The following PPFIA2 variants were observed in gnomAD, a reference collection of about 807,000 sequenced individuals.
PPFIA2 encodes the protein PPFI scaffold protein A2.
PPFIA2 carries 46 observed loss-of-function variants against 175.5 expected under a neutral mutation model. The observed-to-expected ratio is 0.26, with a 90% confidence interval of 0.21 to 0.34. The LOEUF (loss-of-function observed/expected upper bound fraction) is 0.34, where lower values mean the gene tolerates loss of function less well. Among genes scored for constraint, PPFIA2 ranks in the 10% least tolerant of loss-of-function variants. The pLI is 1.00. For missense variants in PPFIA2, 1,179 were observed against 1,506.1 expected, an observed-to-expected ratio of 0.78 and a Z score of 3.60; for synonymous variants, 568 against 511.4, an observed-to-expected ratio of 1.11 and a Z score of -1.49.
At chr12:81,664,329 A>T (rs1443124550) in intron 4 of PPFIA2, among the ~76,000 whole-genome samples, 1 of 152,158 alleles carries the variant, frequency 6.6e-6, no homozygotes, top group African/African-American at 2.4e-5. Flanking sequence ...CAAAGAACTC[A>T]AACAAATTTA....
intron 8 of PPFIA2, among the ~76,000 whole-genome samples, chr12:81,396,324 A>T (rs903233972): frequency 2.0e-5 from 3 of 152,234 alleles, no homozygotes; most frequent in Admixed American, 2.0e-4. Flanking sequence ...TACATTACAG[A>T]CATTATAAAT....
intron 8 of PPFIA2, among the ~76,000 whole-genome samples, chr12:81,385,572 TG>T (rs771991387): frequency 3.5e-4 from 53 of 152,160 alleles, no homozygotes; most frequent in Non-Finnish European, 5.6e-4. Flanking sequence ...TGGATGAGCC[TG>T]GAGGACATTA....
At chr12:81,500,335 T>C (rs189599261) in intron 4 of PPFIA2, among the ~76,000 whole-genome samples, 30 of 152,246 alleles carry the variant, frequency 2.0e-4, no homozygotes, top group Non-Finnish European at 3.8e-4. Flanking sequence ...CTCCCAACTT[T>C]AGCCTCCACA....
intron 3 of PPFIA2, among the ~76,000 whole-genome samples, chr12:81,744,420 C>CTTTT (rs1167414059): frequency 4.4e-4 from 52 of 118,846 alleles, no homozygotes; most frequent in Non-Finnish European, 5.5e-4. Flanking sequence ...GAAATGCTTT[C>CTTTT]TTTTTTTTTT....
chr12:81,276,426 A>G (rs943399126), intron 28 of PPFIA2, among the ~76,000 whole-genome samples: 7 of 152,216 alleles, frequency 4.6e-5, no homozygotes, highest in African/African-American at 1.7e-4. Context: ...AAACAAAAAA[A>G]TACCTTTACC....
intron 4 of PPFIA2, among the ~76,000 whole-genome samples, chr12:81,508,271 C>G (rs1247084907): frequency 1.3e-5 from 2 of 151,904 alleles, no homozygotes; most frequent in Non-Finnish European, 2.9e-5. Flanking sequence ...CCTGTAATCC[C>G]AGCACTTTGG....
At chr12:81,728,453 A>AT (rs1257433411) in intron 3 of PPFIA2, among the ~76,000 whole-genome samples, 1 of 151,372 alleles carries the variant, frequency 6.6e-6, no homozygotes, top group African/African-American at 2.4e-5. Flanking sequence ...GTTTTCTGTT[A>AT]TTTTCCACTA....
intron 28 of PPFIA2, among the ~76,000 whole-genome samples, chr12:81,271,647 TAG>T (rs1334778791): frequency 1.3e-5 from 2 of 152,208 alleles, no homozygotes; most frequent in African/African-American, 4.8e-5. Flanking sequence ...GTGTTCTTAT[TAG>T]AGTCTACTAT....
chr12:81,299,231 T>C, intron 23 of PPFIA2, 70 bp downstream of exon 23: 1 of 1,482,414 alleles, frequency 6.7e-7, no homozygotes, highest in Non-Finnish European at 9.1e-7. Flanking sequence ...AAACTTGCCG[T>C]TACCTGTCTC....
In PPFIA2 at chr12:81,422,126, GTGTATATATA is replaced by G. The variant is rs1297465096; in HGVS notation, c.646-16233_646-16224del. On this transcript the variant is annotated intron_variant, in intron 7 of 32. Transcript: ENST00000549396. ...TGTATATATATGTGTATATATATGTGTGTATATATATGTGTATATATATGTGTGTATATAT... is the reference window on the plus strand; with the variant it reads ...TGTATATATATGTGTATATATATGTGTGTGTATATATATGTGTGTATATAT... 1.4e-4 allele frequency among the ~76,000 whole-genome samples: 18 copies of G among 129,732 alleles called. No homozygotes were observed. In the East Asian group the frequency reaches 1.7e-3, roughly 12 times the overall value. The allele number at this position is 129,732 out of a possible 152,430, so 85.1% of individuals were successfully genotyped here.
chr12:81,500,772 G>A (rs1030965073), intron 4 of PPFIA2, among the ~76,000 whole-genome samples: 2 of 152,076 alleles, frequency 1.3e-5, no homozygotes, highest in Non-Finnish European at 2.9e-5. Context: ...ATCCTATCCT[G>A]ACCCGCTATG....
chr12:81,726,489 T>C (rs145748582), intron 3 of PPFIA2, among the ~76,000 whole-genome samples: 6 of 151,384 alleles, frequency 4.0e-5, no homozygotes, highest in Non-Finnish European at 8.9e-5. Flanking sequence ...CTGGATTTTG[T>C]CCACCTTGAG....
chr12:81,317,868 A>T (rs771448629), intron 22 of PPFIA2, among the ~76,000 whole-genome samples: 8 of 151,826 alleles, frequency 5.3e-5, no homozygotes, highest in Non-Finnish European at 1.0e-4. Flanking sequence ...TTTAAAAAGC[A>T]GGTAGTTCAA....
Position 81,347,627 on chromosome 12 carries a change from A to G in PPFIA2, c.2138T>C (p.Leu713Pro). Residue 713 changes from leucine (L) to proline (P), a missense_variant, in exon 18 of 33, where the codon CTG (leucine) becomes CCG (proline). Coordinates refer to ENST00000549396, the MANE Select transcript of PPFIA2 (RefSeq NM_003625.5). ...TCCACTGGGGGGAGATGAACTGGCC[A>G]GCGATGAAGCTGTAACAGAGGCAGT... ...SITASVTASS[L>P]ASSSPPSGHS... 6.2e-7 allele frequency: 1 copy of G among 1,613,888 alleles called. No individual in the cohort carries two copies. Among genetic ancestry groups the G allele is most frequent in the Non-Finnish European group, 8.5e-7 (1 of 1,179,824 alleles).
At chr12:81,458,273 C>T (rs940029485) in intron 4 of PPFIA2, among the ~76,000 whole-genome samples, 1 of 151,946 alleles carries the variant, frequency 6.6e-6, no homozygotes, top group African/African-American at 2.4e-5. Context: ...CGCAAAAAAC[C>T]CTGCTAAACA....
At chr12:81,335,613 G>A (rs2056983206) in intron 21 of PPFIA2, among the ~76,000 whole-genome samples, 1 of 151,936 alleles carries the variant, frequency 6.6e-6, no homozygotes, top group African/African-American at 2.4e-5. Context: ...GCATGGTGGT[G>A]GGTGCCTGTA....
intron 18 of PPFIA2, among the ~76,000 whole-genome samples, chr12:81,346,820 CTTA>C (rs2059150950): frequency 6.6e-6 from 1 of 151,666 alleles, no homozygotes; most frequent in Non-Finnish European, 1.5e-5. Context: ...AGTTTTGTTA[CTTA>C]TTATGTTAAA....
At chr12:81,326,845 G>C (rs2054885966) in intron 21 of PPFIA2, among the ~76,000 whole-genome samples, 1 of 151,940 alleles carries the variant, frequency 6.6e-6, no homozygotes, top group Admixed American at 6.6e-5. Context: ...GTCAAGATTA[G>C]GTAGAAAGAT....
chr12:81,740,787 C>G (rs2082224052), intron 3 of PPFIA2, among the ~76,000 whole-genome samples: 2 of 151,976 alleles, frequency 1.3e-5, no homozygotes, highest in Non-Finnish European at 2.9e-5. Context: ...GACTATTTTT[C>G]TGTTGGTATC....
Sources: allele counts gnomAD v4.1 joint callset (sites outside exome capture counted in the v4.1 genomes callset), GRCh38; gene constraint gnomAD v4.1.1; transcripts MANE v1.5; gene names NCBI Gene and HGNC (gene_info 2026-07-23, HGNC 2026-07-21).